DPP10: variants seen among roughly 807,000 people sequenced by gnomAD.
DPP10 encodes the protein dipeptidyl peptidase like 10.
A neutral mutation model predicts 120.9 loss-of-function variants in DPP10; 33 were observed. The ratio of observed to expected loss-of-function variants is 0.27; its 90% CI spans 0.21 to 0.37. DPP10 has a LOEUF of 0.37. DPP10 is among the 10% of genes least tolerant of loss of function. DPP10 has a pLI of 1.00. For missense variants in DPP10, 816 were observed against 942.8 expected (o/e 0.87, Z 1.76); for synonymous variants, 337 against 326.1 (o/e 1.03, Z -0.36).
chr2:114,493,192 C>T lies in DPP10; in HGVS notation c.60+50354C>T, dbSNP rs1212093390. On this transcript the variant is annotated intron_variant, in intron 1 of 25. Transcript: ENST00000410059. ...AAGTGTGGTGGTGAGCAGATGAACT[C>T]TGGGCACAAATTGCCCAGTTTCAAT... Among the ~76,000 whole-genome samples, 3 of 152,138 alleles carry T rather than the reference C, an allele frequency of 2.0e-5. No homozygotes were observed. In the East Asian group the frequency reaches 5.8e-4, roughly 29 times the overall value.
At chr2:114,552,086 A>G (rs1335251580) in intron 1 of DPP10, among the ~76,000 whole-genome samples, 1 of 152,214 alleles carries the variant, frequency 6.6e-6, no homozygotes, top group Non-Finnish European at 1.5e-5. Flanking sequence ...CAGAGACAAC[A>G]TGGTACAGTG....
At chr2:115,618,060 CTT>C (rs1183736366) in intron 5 of DPP10, among the ~76,000 whole-genome samples, 1 of 152,090 alleles carries the variant, frequency 6.6e-6, no homozygotes, top group Non-Finnish European at 1.5e-5. Context: ...ACATTTAAAA[CTT>C]GAATTATTTC....
intron 1 of DPP10, among the ~76,000 whole-genome samples, chr2:115,083,318 C>T (rs1708426226): frequency 2.0e-5 from 3 of 152,106 alleles, no homozygotes; most frequent in East Asian, 1.9e-4. Context: ...CATTAAAGTC[C>T]TGAATATATA....
intron 7 of DPP10, among the ~76,000 whole-genome samples, chr2:115,714,565 T>C (rs1426682521): frequency 6.6e-6 from 1 of 152,196 alleles, no homozygotes; most frequent in African/African-American, 2.4e-5. Context: ...CAATAATTCT[T>C]TTACATTTGT....
At chr2:115,430,860 G>T (rs969244340) in intron 3 of DPP10, among the ~76,000 whole-genome samples, 1 of 152,166 alleles carries the variant, frequency 6.6e-6, no homozygotes, top group Non-Finnish European at 1.5e-5. Flanking sequence ...TATTTGACAA[G>T]TAGGACTTAA....
intron 1 of DPP10, among the ~76,000 whole-genome samples, chr2:115,280,532 A>C (rs557221904): frequency 6.6e-6 from 1 of 152,348 alleles, no homozygotes; most frequent in African/African-American, 2.4e-5. Context: ...TTAAGCAGAT[A>C]GATACTCATA....
Position 115,836,226 on chromosome 2 carries a change from G to T in DPP10, c.2020G>T (p.Val674Phe). Residue 674 changes from valine (V) to phenylalanine (F), a missense_variant, in exon 22 of 26, where the codon GTT becomes TTT. By Grantham distance (50) the Val-to-Phe change is conservative. Transcript: ENST00000410059. ...DEKLFKCGSV[V>F]APITDLKLYA... Reference sequence around the variant, plus strand: ...AAAGCTTTTTAAATGTGGATCCGTGGTTGCACCTATCACAGACTTGAAATT... The same window carrying T: ...AAAGCTTTTTAAATGTGGATCCGTGTTTGCACCTATCACAGACTTGAAATT... The T allele has an allele frequency of 6.2e-7, 1 of 1,609,414 alleles. No individual in the cohort carries two copies. The highest frequency in any genetic ancestry group is 1.1e-5 in the South Asian group (1 of 90,118).
At chr2:115,840,862 G>T in intron 25 of DPP10, 39 bp downstream of exon 25, 1 of 1,557,378 alleles carries the variant, frequency 6.4e-7, no homozygotes, top group Non-Finnish European at 8.8e-7. Flanking sequence ...TTCCTGCTGT[G>T]TTTTTTCACT....
intron 1 of DPP10, among the ~76,000 whole-genome samples, chr2:115,179,493 T>C (rs2053933556): frequency 6.6e-6 from 1 of 152,170 alleles, no homozygotes. Flanking sequence ...CTTTAAACAA[T>C]AGACTGTGCT....
intron 2 of DPP10, among the ~76,000 whole-genome samples, chr2:115,328,801 G>A (rs1466937072): frequency 6.6e-6 from 1 of 152,082 alleles, no homozygotes; most frequent in Non-Finnish European, 1.5e-5. Flanking sequence ...TGGATATAGT[G>A]TGATTTAGTC....
At chr2:114,512,978 A>C (rs1188422133) in intron 1 of DPP10, among the ~76,000 whole-genome samples, 1 of 152,124 alleles carries the variant, frequency 6.6e-6, no homozygotes, top group Non-Finnish European at 1.5e-5. Context: ...GTTGCATTTT[A>C]CTGCTTGGAA....
At chr2:115,295,565 A>C (rs1286088787) in intron 1 of DPP10, among the ~76,000 whole-genome samples, 1 of 152,134 alleles carries the variant, frequency 6.6e-6, no homozygotes, top group African/African-American at 2.4e-5. Context: ...AATATTGATT[A>C]CTACAGTGGA....
chr2:114,996,031 G>C (rs1034982568), intron 1 of DPP10, among the ~76,000 whole-genome samples: 5 of 152,118 alleles, frequency 3.3e-5, no homozygotes, highest in Non-Finnish European at 7.4e-5. Flanking sequence ...GATTGCTCTG[G>C]CCCCCCTCAT....
At chr2:115,342,285 C>A in intron 2 of DPP10, 1 of 326,584 alleles carries the variant, frequency 3.1e-6, no homozygotes, top group Admixed American at 3.7e-5. Context: ...CAGCTCACTG[C>A]AGCCTCCGCC....
intron 1 of DPP10, among the ~76,000 whole-genome samples, chr2:114,923,472 C>CTTTTTTTT (rs71394115): frequency 1.4e-5 from 1 of 69,420 alleles, no homozygotes; most frequent in Non-Finnish European, 2.5e-5. Context: ...GCCTTTTTTC[C>CTTTTTTTT]TTTTTTTTTT....
chr2:114,805,717 A>C (rs1351444826), intron 1 of DPP10, among the ~76,000 whole-genome samples: 1 of 152,166 alleles, frequency 6.6e-6, no homozygotes. Flanking sequence ...ACACTCAGAG[A>C]CCAAAGTGAG....
At chr2:115,348,891 T>A (rs2063848271) in intron 3 of DPP10, among the ~76,000 whole-genome samples, 1 of 152,110 alleles carries the variant, frequency 6.6e-6, no homozygotes, top group African/African-American at 2.4e-5. Flanking sequence ...CAAATTGCTA[T>A]GAAAATTTTT....
chr2:115,344,423 T>C (rs1221236642), intron 3 of DPP10, among the ~76,000 whole-genome samples: 2 of 152,158 alleles, frequency 1.3e-5, no homozygotes, highest in Non-Finnish European at 2.9e-5. Flanking sequence ...AGCTAGTACG[T>C]AGAAATGTTA....
chr2:115,512,800 T>C (rs1368015763), intron 4 of DPP10, among the ~76,000 whole-genome samples: 1 of 152,080 alleles, frequency 6.6e-6, no homozygotes, highest in Non-Finnish European at 1.5e-5. Context: ...AAACATGTTT[T>C]GTGGCCTAAC....
Sources: gnomAD v4.1 joint callset for allele counts (sites outside exome capture counted in the v4.1 genomes callset) on GRCh38, gnomAD v4.1.1 for gene constraint, MANE v1.5 for transcripts, NCBI Gene and HGNC (gene_info 2026-07-23, HGNC 2026-07-21) for gene names.